FAT3: variants seen among roughly 807,000 people sequenced by gnomAD.
The protein encoded by FAT3 is protocadherin Fat 3.
FAT3 carries 95 observed loss-of-function variants against 310.2 expected under a neutral mutation model. That is an observed-to-expected ratio of 0.31 (90% CI 0.26 to 0.36). The LOEUF is 0.36. FAT3 is among the 10% of genes least tolerant of loss of function. FAT3 has a pLI of 1.00. For missense variants in FAT3, 5,408 were observed against 5,715.6 expected (o/e 0.95, Z 1.74); for synonymous variants, 2,314 against 2,192.9 (o/e 1.06, Z -1.54).
intron 3 of FAT3, among the ~76,000 whole-genome samples, chr11:92,528,996 G>C (rs1555075277): frequency 6.6e-6 from 1 of 152,200 alleles, no homozygotes; most frequent in Non-Finnish European, 1.5e-5. Context: ...TCTTGCCTTA[G>C]CAATTGCTAG....
At position 92,763,956 on chromosome 11, in the gene FAT3, C is replaced by T. The variant is rs543232254; in HGVS notation, c.3985-923C>T. Among the ~76,000 whole-genome samples the T allele has an allele frequency of 5.9e-5, 9 of 152,238 alleles. No individual in the cohort carries two copies. The South Asian group carries it at 1.2e-3, about 21-fold the overall frequency. ...AGGGTGCTATGCATTGTCACTGTTT[C>T]GAAGGGCTATAGCTATCAGTTATGT... On this transcript the variant is annotated intron_variant, in intron 5 of 27. Coordinates refer to ENST00000525166, the MANE Select transcript of FAT3 (RefSeq NM_001367949.2).
At chr11:92,361,754 A>G (rs769040396) in intron 2 of FAT3, among the ~76,000 whole-genome samples, 2 of 152,216 alleles carry the variant, frequency 1.3e-5, no homozygotes, top group Non-Finnish European at 2.9e-5. Context: ...TTACTGAACA[A>G]TAGAATAGCA....
In FAT3 at chr11:92,767,818, C is replaced by A. The variant is rs536060225; in HGVS notation, c.4195+2729C>A. 2.0e-5 allele frequency among the ~76,000 whole-genome samples: 3 copies of A among 152,242 alleles called. No individual in the cohort carries two copies. The South Asian group carries it at 6.2e-4, about 32-fold the overall frequency. ...CCTCCTGCCAAAACCTCTGTTGCTACCAACCCAGGATGAGTGGAATAAACT... is the reference window on the plus strand; with the variant it reads ...CCTCCTGCCAAAACCTCTGTTGCTAACAACCCAGGATGAGTGGAATAAACT... On this transcript the variant is annotated intron_variant, in intron 6 of 27. Transcript: ENST00000525166.
At chr11:92,300,192 A>C (rs1171030715) in intron 1 of FAT3, among the ~76,000 whole-genome samples, 2 of 152,140 alleles carry the variant, frequency 1.3e-5, no homozygotes, top group Non-Finnish European at 2.9e-5. Flanking sequence ...CATGTCATGC[A>C]CTTACATGTC....
chr11:92,864,925 A>G (rs193275806), intron 21 of FAT3, among the ~76,000 whole-genome samples: 94 of 152,344 alleles, frequency 6.2e-4, no homozygotes, highest in Admixed American at 2.1e-3. Context: ...CAAAGTATGT[A>G]TGTTCTAACT....
intron 1 of FAT3, among the ~76,000 whole-genome samples, chr11:92,299,269 C>G (rs145173575): frequency 1.7e-3 from 255 of 152,122 alleles, no homozygotes; most frequent in African/African-American, 5.7e-3. Context: ...CCTGGAAGTA[C>G]CCAAGAAAGA....
intron 3 of FAT3, among the ~76,000 whole-genome samples, chr11:92,675,491 G>A (rs1943258788): frequency 1.3e-5 from 2 of 152,196 alleles, no homozygotes; most frequent in Admixed American, 6.5e-5. Context: ...TTAACTGGGT[G>A]TTTGTGCAAC....
In FAT3 at chr11:92,799,639, A is replaced by G. The variant is rs762724970; in HGVS notation, c.6626A>G (p.Asn2209Ser). The change falls in exon 10 of 28, where the codon AAT becomes AGT. Residue 2209 changes from asparagine (N) to serine (S), a missense_variant. Physicochemically the swap from Asn to Ser is conservative, Grantham distance 46. Around this residue, in one of 5 missense-constraint regions of FAT3, gnomAD observed 4,588 missense variants for 4,809.8 expected, o/e 0.95. Transcript: ENST00000525166. ...ATGAACACACCCATCCTAAGCATCA[A>G]TGCCACCAGTCCAGAAGGCCAAGGC... ...IRMNTPILSI[N>S]ATSPEGQGII... 12 of 1,613,700 alleles carry G rather than the reference A, an allele frequency of 7.4e-6. No homozygotes were observed. Among genetic ancestry groups the G allele is most frequent in the Admixed American group, 1.7e-5 (1 of 59,982 alleles).
At chr11:92,401,793 C>A (rs963832296) in intron 2 of FAT3, among the ~76,000 whole-genome samples, 1 of 152,148 alleles carries the variant, frequency 6.6e-6, no homozygotes, top group Non-Finnish European at 1.5e-5. Context: ...AACAAAGAAG[C>A]CTGCTATAGG....
At chr11:92,730,911 A>G (rs1207090286) in intron 4 of FAT3, among the ~76,000 whole-genome samples, 1 of 152,172 alleles carries the variant, frequency 6.6e-6, no homozygotes, top group African/African-American at 2.4e-5. Context: ...CCTAAGAACT[A>G]AAGCAATTTC....
chr11:92,346,140 A>G (rs866087673), intron 1 of FAT3, among the ~76,000 whole-genome samples: 1 of 152,158 alleles, frequency 6.6e-6, no homozygotes, highest in South Asian at 2.1e-4. Context: ...ATGTCATACG[A>G]GCAGTCTATA....
At chr11:92,705,569 G>T (rs1406165816) in intron 4 of FAT3, among the ~76,000 whole-genome samples, 8 of 32,052 alleles carry the variant, frequency 2.5e-4, no homozygotes, top group Non-Finnish European at 3.9e-4. Flanking sequence ...GATGGTGGTG[G>T]TGGTGGTGAT....
At chr11:92,809,297 C>T (rs1331092998) in intron 12 of FAT3, among the ~76,000 whole-genome samples, 1 of 152,220 alleles carries the variant, frequency 6.6e-6, no homozygotes, top group Non-Finnish European at 1.5e-5. Context: ...AACCCTTACA[C>T]AATAGGGGTC....
chr11:92,752,469 C>T (rs186371914), intron 4 of FAT3, among the ~76,000 whole-genome samples: 1 of 152,226 alleles, frequency 6.6e-6, no homozygotes, highest in Non-Finnish European at 1.5e-5. Flanking sequence ...TCGTGCAGGG[C>T]TCTGCATCTC....
Position 92,716,140 on chromosome 11 carries a change from A to G in FAT3, c.3669+18695A>G, listed in dbSNP as rs148401115. Among the ~76,000 whole-genome samples, 18 of 152,302 alleles carry G rather than the reference A, an allele frequency of 1.2e-4. No individual in the cohort carries two copies. In the East Asian group the frequency reaches 2.7e-3, roughly 23 times the overall value. On this transcript the variant is annotated intron_variant, in intron 4 of 27. Transcript: ENST00000525166. ...CAGATCGAGGTGTGAGGGGATTGCTATCCAACTGCAGGTAGTGGTAGCAGT... is the reference window on the plus strand; with the variant it reads ...CAGATCGAGGTGTGAGGGGATTGCTGTCCAACTGCAGGTAGTGGTAGCAGT...
intron 19 of FAT3, among the ~76,000 whole-genome samples, chr11:92,848,060 G>A (rs1211672991): frequency 6.6e-6 from 1 of 152,114 alleles, no homozygotes; most frequent in Non-Finnish European, 1.5e-5. Flanking sequence ...GGAATAATTA[G>A]CATGATAAAT....
At chr11:92,846,188 G>A (rs954182997) in intron 19 of FAT3, among the ~76,000 whole-genome samples, 1 of 152,126 alleles carries the variant, frequency 6.6e-6, no homozygotes, top group East Asian at 1.9e-4. Flanking sequence ...GGTTCAAAAC[G>A]GGTTCAGGAC....
intron 3 of FAT3, among the ~76,000 whole-genome samples, chr11:92,539,513 C>T (rs192698894): frequency 1.1e-4 from 16 of 152,022 alleles, no homozygotes; most frequent in Non-Finnish European, 2.2e-4. Flanking sequence ...TAAGCCTTTA[C>T]GGATTTGGGA....
chr11:92,448,216 A>ACT (rs1266463566), intron 2 of FAT3, among the ~76,000 whole-genome samples: 1 of 152,204 alleles, frequency 6.6e-6, no homozygotes, highest in Non-Finnish European at 1.5e-5. Context: ...AAAAAATATA[A>ACT]GGATTCATTA....
Sources: allele counts gnomAD v4.1 joint callset (sites outside exome capture counted in the v4.1 genomes callset), GRCh38; gene constraint gnomAD v4.1.1; regional missense constraint gnomAD v4.1.1; transcripts MANE v1.5; gene names NCBI Gene and HGNC (gene_info 2026-07-23, HGNC 2026-07-21).